The following MACROD2 variants were observed in gnomAD, a reference collection of about 807,000 sequenced individuals.
The protein encoded by MACROD2 is ADP-ribose glycohydrolase MACROD2.
Under a neutral mutation model 70.4 loss-of-function variants are expected in MACROD2, and 36 were observed. The observed-to-expected ratio is 0.51, with a 90% CI of 0.39 to 0.68. The LOEUF is 0.68. Ranked by LOEUF, MACROD2 falls within the 30% of genes least tolerant of loss-of-function variation. MACROD2 has a pLI of 0.00. For missense variants in MACROD2, 496 were observed against 538.4 expected (o/e 0.92, Z 0.78); for synonymous variants, 172 against 178.8 (o/e 0.96, Z 0.30).
intron 5 of MACROD2, among the ~76,000 whole-genome samples, chr20:15,104,865 T>C (rs530474938): frequency 2.6e-5 from 4 of 152,334 alleles, no homozygotes; most frequent in African/African-American, 9.6e-5. Flanking sequence ...CATTTAAAAC[T>C]GCATTTTGAT....
At chr20:14,586,055 T>C (rs1297264704) in intron 4 of MACROD2, among the ~76,000 whole-genome samples, 2 of 152,298 alleles carry the variant, frequency 1.3e-5, no homozygotes, top group East Asian at 3.9e-4. Context: ...TGTTTGTGCT[T>C]ATTTTCTTGT....
At chr20:14,113,873 G>T (rs889816598) in intron 3 of MACROD2, among the ~76,000 whole-genome samples, 6 of 151,874 alleles carry the variant, frequency 4.0e-5, no homozygotes, top group Admixed American at 6.6e-5. Flanking sequence ...AGCATTTGAT[G>T]GTATGCCCAT....
chr20:14,630,128 A>G (rs1181407246), intron 4 of MACROD2, among the ~76,000 whole-genome samples: 1 of 152,196 alleles, frequency 6.6e-6, no homozygotes, highest in African/African-American at 2.4e-5. Flanking sequence ...GACCAGGCTT[A>G]CAGTCTCCAC....
At chr20:15,314,729 A>T (rs1391547445) in intron 6 of MACROD2, among the ~76,000 whole-genome samples, 1 of 152,206 alleles carries the variant, frequency 6.6e-6, no homozygotes, top group Non-Finnish European at 1.5e-5. Flanking sequence ...ACCTCCAGCC[A>T]CCTGGGGCAA....
chr20:16,045,451 G>T (rs1208479030), intron 17 of MACROD2, among the ~76,000 whole-genome samples: 1 of 152,120 alleles, frequency 6.6e-6, no homozygotes, highest in Non-Finnish European at 1.5e-5. Flanking sequence ...AAACCAAGAA[G>T]ATGGCAAATT....
intron 5 of MACROD2, among the ~76,000 whole-genome samples, chr20:14,751,425 C>G (rs1010090071): frequency 1.3e-5 from 2 of 152,076 alleles, no homozygotes; most frequent in Non-Finnish European, 2.9e-5. Flanking sequence ...TACTCTGTCT[C>G]TTTTCTTCTT....
At chr20:15,873,350 T>G (rs1314662907) in intron 9 of MACROD2, among the ~76,000 whole-genome samples, 1 of 152,152 alleles carries the variant, frequency 6.6e-6, no homozygotes, top group Non-Finnish European at 1.5e-5. Flanking sequence ...TCTCAGTGGG[T>G]TACATCCTAC....
At chr20:15,972,593 TG>T (rs2066247648) in intron 13 of MACROD2, among the ~76,000 whole-genome samples, 1 of 152,126 alleles carries the variant, frequency 6.6e-6, no homozygotes, top group Non-Finnish European at 1.5e-5. Flanking sequence ...GCAGATCACT[TG>T]AGGTCAGGAG....
At chr20:15,108,562 C>A (rs1356902677) in intron 5 of MACROD2, among the ~76,000 whole-genome samples, 1 of 152,168 alleles carries the variant, frequency 6.6e-6, no homozygotes, top group African/African-American at 2.4e-5. Context: ...CTCCTAGAAT[C>A]CACTTATTCT....
chr20:15,277,799 G>T (rs528789960), intron 6 of MACROD2, among the ~76,000 whole-genome samples: 29 of 152,114 alleles, frequency 1.9e-4, no homozygotes, highest in African/African-American at 6.8e-4. Context: ...AATTGGGGAA[G>T]AAGAAAGAAA....
At chr20:16,036,510 T>G (rs2067238605) in intron 15 of MACROD2, among the ~76,000 whole-genome samples, 1 of 152,030 alleles carries the variant, frequency 6.6e-6, no homozygotes, top group African/African-American at 2.4e-5. Flanking sequence ...TTTCTATTTC[T>G]GCATCTTTTA....
chr20:14,195,236 T>C (rs1220833903), intron 3 of MACROD2, among the ~76,000 whole-genome samples: 4 of 152,034 alleles, frequency 2.6e-5, no homozygotes, highest in Non-Finnish European at 5.9e-5. Flanking sequence ...TTGTCAAAAA[T>C]GTTTAAAGAT....
chr20:15,836,638 A>G (rs7267987), intron 8 of MACROD2, among the ~76,000 whole-genome samples: 1 of 152,204 alleles, frequency 6.6e-6, no homozygotes, highest in South Asian at 2.1e-4. Flanking sequence ...GCTTTTATTC[A>G]TTTTACAAAT....
At chr20:15,908,433 A>C (rs1244045232) in intron 10 of MACROD2, among the ~76,000 whole-genome samples, 2 of 150,124 alleles carry the variant, frequency 1.3e-5, no homozygotes, top group African/African-American at 5.1e-5. Flanking sequence ...AGACATCTTT[A>C]CTTTCCTTGA....
chr20:15,099,382 G>GA (rs1190672808), intron 5 of MACROD2, among the ~76,000 whole-genome samples: 2 of 152,084 alleles, frequency 1.3e-5, no homozygotes, highest in South Asian at 2.1e-4. Context: ...AGTAAAACAA[G>GA]AAAAAAATCT....
chr20:15,367,954 G>A (rs1207214684), intron 6 of MACROD2, among the ~76,000 whole-genome samples: 1 of 151,990 alleles, frequency 6.6e-6, no homozygotes, highest in Non-Finnish European at 1.5e-5. Context: ...CCTATTAGAA[G>A]TGAAGGGATC....
chr20:14,205,449 A>G (rs2081515219), intron 3 of MACROD2, among the ~76,000 whole-genome samples: 3 of 152,156 alleles, frequency 2.0e-5, no homozygotes, highest in Admixed American at 2.0e-4. Flanking sequence ...GAGTACCAAT[A>G]CTTTGTTATA....
At chr20:15,730,186 G>A (rs868386116) in intron 8 of MACROD2, among the ~76,000 whole-genome samples, 2 of 152,254 alleles carry the variant, frequency 1.3e-5, no homozygotes, top group Middle Eastern at 6.8e-3. Flanking sequence ...GGGACATTTA[G>A]CCTATTTACA....
chr20:15,760,628 A>T (rs2051422759), intron 8 of MACROD2, among the ~76,000 whole-genome samples: 1 of 151,952 alleles, frequency 6.6e-6, no homozygotes, highest in Non-Finnish European at 1.5e-5. Context: ...GGGCAGGAGG[A>T]CTCCCCAGGA....
Sources: allele counts gnomAD v4.1 joint callset (sites outside exome capture counted in the v4.1 genomes callset), GRCh38; gene constraint gnomAD v4.1.1; transcripts MANE v1.5; gene names NCBI Gene and HGNC (gene_info 2026-07-23, HGNC 2026-07-21).